USP30: variants seen among roughly 807,000 people sequenced by gnomAD.
USP30 encodes the protein ubiquitin specific peptidase 30.
Under a neutral mutation model 68.2 loss-of-function variants are expected in USP30, and 41 were observed. The ratio of observed to expected loss-of-function variants is 0.60; its 90% CI spans 0.47 to 0.78. USP30 has a LOEUF of 0.78. USP30 is among the 30% of genes least tolerant of loss of function. USP30 has a pLI of 0.00. For missense variants in USP30, 522 were observed against 649.4 expected (o/e 0.80, Z 2.13); for synonymous variants, 229 against 253.7 (o/e 0.90, Z 0.93).
intron 7 of USP30, among the ~76,000 whole-genome samples, chr12:109,075,371 CAG>C (rs1311987482): frequency 6.6e-6 from 1 of 151,992 alleles, no homozygotes; most frequent in Non-Finnish European, 1.5e-5. Flanking sequence ...TTTTTTCAGA[CAG>C]AGTCTCGCTC....
Position 109,086,543 on chromosome 12 carries a change from T to C in USP30, c.*612T>C, listed in dbSNP as rs2041951972. 6.6e-6 allele frequency: 1 copy of C among 152,494 alleles called. No individual in the cohort carries two copies. The highest frequency in any genetic ancestry group is 2.1e-4 in the South Asian group (1 of 4,842). 9.4% of individuals were successfully genotyped at this position (152,494 alleles called of 1,614,324 possible). ...TCAATTCTTTCTATGGAGTAAAGGC[T>C]CATCTGCCAAATCTGCCCCCTGGGG... On this transcript the variant is annotated 3_prime_UTR_variant, in exon 13 of 13. Coordinates refer to ENST00000257548, the MANE Select transcript of USP30 (RefSeq NM_032663.5).
At chr12:109,062,146 G>A (rs2041088511) in intron 3 of USP30, among the ~76,000 whole-genome samples, 1 of 151,984 alleles carries the variant, frequency 6.6e-6, no homozygotes, top group South Asian at 2.1e-4. Flanking sequence ...TGTTGCCTAG[G>A]CTGGTCTTGA....
intron 7 of USP30, among the ~76,000 whole-genome samples, chr12:109,078,521 C>G (rs1237114853): frequency 6.6e-6 from 1 of 151,662 alleles, no homozygotes; most frequent in East Asian, 1.9e-4. Flanking sequence ...ATTGCTTGAA[C>G]CTGGGAGGCA....
At chr12:109,079,574 C>A (rs1238667927) in intron 7 of USP30, among the ~76,000 whole-genome samples, 1 of 151,682 alleles carries the variant, frequency 6.6e-6, no homozygotes, top group African/African-American at 2.4e-5. Flanking sequence ...CTGTGTTGCT[C>A]AGGTTGGTCC....
intron 3 of USP30, 60 bp from the exon 4 acceptor site, chr12:109,067,463 GT>G: frequency 6.8e-7 from 1 of 1,469,780 alleles, no homozygotes; most frequent in Non-Finnish European, 9.5e-7. Flanking sequence ...TACTGTGCAA[GT>G]TTTCTGGTTA....
At chr12:109,082,116 A>G (rs2041821876) in intron 9 of USP30, 97 bp downstream of exon 9, 3 of 1,320,950 alleles carry the variant, frequency 2.3e-6, no homozygotes, top group Non-Finnish European at 3.2e-6. Flanking sequence ...GACTGTATCC[A>G]GTGGGTCTTT....
chr12:109,084,846 T>G, intron 11 of USP30, 107 bp from the exon 12 acceptor site: 1 of 1,268,118 alleles, frequency 7.9e-7, no homozygotes, highest in Non-Finnish European at 1.0e-6. Flanking sequence ...AAATAGATTT[T>G]TTTCTTTGTA....
At chr12:109,055,849 C>T (rs1264117876) in intron 1 of USP30, among the ~76,000 whole-genome samples, 1 of 149,444 alleles carries the variant, frequency 6.7e-6, no homozygotes, top group African/African-American at 2.5e-5. Context: ...AAAAACATAG[C>T]GAATAGGTTA....
intron 3 of USP30, among the ~76,000 whole-genome samples, chr12:109,034,967 A>G (rs1173815573): frequency 2.6e-5 from 4 of 152,194 alleles, no homozygotes; most frequent in Admixed American, 1.3e-4. Context: ...TGTTTGAATG[A>G]TACCACTTTT....
chr12:109,043,789 AC>A (rs1464925647), intron 3 of USP30, among the ~76,000 whole-genome samples: 3 of 152,222 alleles, frequency 2.0e-5, no homozygotes, highest in African/African-American at 7.2e-5. Flanking sequence ...TAAGAAAGCA[AC>A]CCACAGAATA....
chr12:109,062,771 G>A (rs2041117634), intron 3 of USP30, among the ~76,000 whole-genome samples: 1 of 152,048 alleles, frequency 6.6e-6, no homozygotes, highest in Non-Finnish European at 1.5e-5. Flanking sequence ...AGTAGATTAA[G>A]TACAGCCACA....
At chr12:109,040,725 C>T (rs962777145) in intron 3 of USP30, among the ~76,000 whole-genome samples, 2 of 152,204 alleles carry the variant, frequency 1.3e-5, no homozygotes, top group Non-Finnish European at 2.9e-5. Flanking sequence ...ATGGACCTCT[C>T]CATAATGCTG....
At chr12:109,043,255 G>A (rs2040576978) in intron 3 of USP30, among the ~76,000 whole-genome samples, 1 of 152,174 alleles carries the variant, frequency 6.6e-6, no homozygotes, top group African/African-American at 2.4e-5. Flanking sequence ...CTAAATTCGT[G>A]TGGACTCTCA....
chr12:109,056,175 TTTGTTGTTGTTG>T (rs138193365), intron 1 of USP30, among the ~76,000 whole-genome samples: 1 of 151,276 alleles, frequency 6.6e-6, no homozygotes, highest in Non-Finnish European at 1.5e-5. Flanking sequence ...TGACTTAGTT[TTTGTTGTTGTTG>T]TTGTTGTTGT....
At chr12:109,057,214 C>G (rs1361239076) in intron 2 of USP30, among the ~76,000 whole-genome samples, 1 of 150,676 alleles carries the variant, frequency 6.6e-6, no homozygotes, top group African/African-American at 2.4e-5. Context: ...TTTTTTAATG[C>G]TCCCTTTTGA....
chr12:109,044,127 C>G (rs1054104400), intron 3 of USP30, among the ~76,000 whole-genome samples: 7 of 152,166 alleles, frequency 4.6e-5, no homozygotes, highest in Non-Finnish European at 1.0e-4. Context: ...AGACAAATTA[C>G]TGTATGATTC....
intron 11 of USP30, among the ~76,000 whole-genome samples, chr12:109,083,430 G>A (rs1031719985): frequency 1.6e-4 from 24 of 152,108 alleles, no homozygotes; most frequent in African/African-American, 5.8e-4. Context: ...AATGTAGGGA[G>A]GACATGTCCT....
chr12:109,052,073 G>A (rs1460656625), upstream of USP30, among the ~76,000 whole-genome samples: 1 of 152,170 alleles, frequency 6.6e-6, no homozygotes, highest in Non-Finnish European at 1.5e-5. Flanking sequence ...TGTGGGTAAT[G>A]TTAGAGTTGG....
In USP30 at chr12:109,065,714, C is replaced by T. The variant is rs185522889; in HGVS notation, c.377-1810C>T. Among the ~76,000 whole-genome samples the T allele has an allele frequency of 1.2e-4, 18 of 152,272 alleles. No homozygotes were observed. The East Asian group carries it at 2.5e-3, about 21-fold the overall frequency. Reference sequence around the variant, plus strand: ...GATCTCTATCTCCAGTCCATTCAGCCTAGGTTTGAGGGAAGAACAGGGAGT... The same window carrying T: ...GATCTCTATCTCCAGTCCATTCAGCTTAGGTTTGAGGGAAGAACAGGGAGT... On this transcript the variant is annotated intron_variant, in intron 3 of 12. Transcript: ENST00000257548.
Sources: allele counts gnomAD v4.1 joint callset (sites outside exome capture counted in the v4.1 genomes callset), GRCh38; gene constraint gnomAD v4.1.1; transcripts MANE v1.5; gene names NCBI Gene and HGNC (gene_info 2026-07-23, HGNC 2026-07-21).